NADK2: variants seen among roughly 807,000 people sequenced by gnomAD.
The protein encoded by NADK2 is NAD kinase domain-containing protein 1, mitochondrial.
Under a neutral mutation model 62.1 loss-of-function variants are expected in NADK2, and 35 were observed. The ratio of observed to expected loss-of-function variants is 0.56; its 90% CI spans 0.43 to 0.75. The LOEUF (loss-of-function observed/expected upper bound fraction) is 0.75. Among genes scored for constraint, NADK2 ranks in the 30% least tolerant of loss-of-function variants. The pLI is 0.00. For missense variants in NADK2, 439 were observed against 561.3 expected (o/e 0.78, Z 2.20); for synonymous variants, 205 against 207.9 (o/e 0.99, Z 0.12).
chr5:36,234,156 C>T (rs1393273879), intron 1 of NADK2, among the ~76,000 whole-genome samples: 2 of 151,708 alleles, frequency 1.3e-5, no homozygotes, highest in South Asian at 2.1e-4. Context: ...GGGCGGATCA[C>T]GAGGTCAGGA....
At chr5:36,199,067 G>A (rs1746342780) in intron 10 of NADK2, among the ~76,000 whole-genome samples, 1 of 151,720 alleles carries the variant, frequency 6.6e-6, no homozygotes, top group African/African-American at 2.4e-5. Context: ...AGGGGGTGGG[G>A]GGAGGAATAG....
At chr5:36,202,648 G>C (rs538283210) in intron 8 of NADK2, among the ~76,000 whole-genome samples, 16 of 152,172 alleles carry the variant, frequency 1.1e-4, no homozygotes, top group Non-Finnish European at 1.8e-4. Context: ...CTGAGTTGTA[G>C]CTAATGGAAT....
In NADK2 at chr5:36,241,705, C is replaced by G. The variant is rs928921435; in HGVS notation, c.94G>C (p.Ala32Pro). ...TCACCGCCCAGCCGGGGCCGCGCGG[C>G]GGGGCCTCCCGCACCCGGTCCCCGC... ...ALRGPGAGGPAARPRLGGDGG... is the reference protein window; with the variant it reads ...ALRGPGAGGPPARPRLGGDGG... The change falls in exon 1 of 12, where the codon GCC (alanine) becomes CCC (proline). Residue 32 changes from alanine (A) to proline (P), a missense_variant. Coordinates refer to ENST00000381937, the MANE Select transcript of NADK2 (RefSeq NM_001085411.3). This position sits in a 1 kb window ranked among gnomAD's most constrained non-coding sequence, Gnocchi z 4.9. 4.4e-6 allele frequency: 5 copies of G among 1,131,518 alleles called. No individual in the cohort carries two copies. The African/African-American group carries it at 8.3e-5, about 19-fold the overall frequency. The allele number at this position is 1,131,518 out of a possible 1,614,324, so 70.1% of individuals were successfully genotyped here.
At position 36,193,008 on chromosome 5, in the gene NADK2, A is replaced by G. The variant is rs954189685; in HGVS notation, c.*2136T>C. ...TACAAATAAACCCCCATCACAGAGC[A>G]GAAATGTTAGAAATTATATCACAAA... On this transcript the variant is annotated 3_prime_UTR_variant, in exon 12 of 12. Coordinates refer to ENST00000381937, the MANE Select transcript of NADK2 (RefSeq NM_001085411.3). 2.0e-5 allele frequency: 3 copies of G among 152,236 alleles called. No homozygotes were observed. The highest frequency in any genetic ancestry group is 7.2e-5 in the African/African-American group (3 of 41,466). The allele number at this position is 152,236 out of a possible 1,614,324, so 9.4% of individuals were successfully genotyped here.
intron 1 of NADK2, among the ~76,000 whole-genome samples, chr5:36,228,585 T>C (rs10079850): frequency 0.91 from 137,780 of 151,524 alleles, 63,642 homozygotes; most frequent in Non-Finnish European, 0.98. Context: ...CCTCTTTATG[T>C]AACAAAATCA....
intron 7 of NADK2, chr5:36,208,482 A>C: frequency 1.6e-6 from 1 of 610,774 alleles, no homozygotes; most frequent in Non-Finnish European, 2.9e-6. Flanking sequence ...GAGAAAGACA[A>C]GTACAGTCAG....
chr5:36,225,880 T>C (rs1277150642), intron 3 of NADK2, among the ~76,000 whole-genome samples: 1 of 152,204 alleles, frequency 6.6e-6, no homozygotes, highest in Non-Finnish European at 1.5e-5. Context: ...TTAGAGGTAG[T>C]CCCTTTACAT....
At chr5:36,196,052 A>G (rs760420895) in intron 11 of NADK2, among the ~76,000 whole-genome samples, 1 of 152,166 alleles carries the variant, frequency 6.6e-6, no homozygotes, top group Non-Finnish European at 1.5e-5. Flanking sequence ...TCTCTCTTCT[A>G]CTATTCATGG....
Position 36,211,922 on chromosome 5 carries a change from C to T in NADK2, c.782G>A (p.Arg261Lys). 1 of 1,609,184 alleles carries T rather than the reference C, an allele frequency of 6.2e-7. No individual in the cohort carries two copies. The highest frequency in any genetic ancestry group is 1.3e-5 in the African/African-American group (1 of 74,810). ...AAGTTGGGGTCCTGAAGCCTCAGAC[C>T]CTGCATGTAATTTAAGACAAAGAAA... is the stretch of plus-strand genomic sequence containing the variant. ...ALNIERAHDE[R>K]SEASGPQLLP... Residue 261 changes from arginine to lysine, a missense_variant and splice_region_variant, in exon 7 of 12, where the codon AGG becomes AAG. Arg to Lys is a conservative substitution (Grantham distance 26, BLOSUM62 2). Coordinates refer to ENST00000381937, the MANE Select transcript of NADK2 (RefSeq NM_001085411.3).
At chr5:36,226,116 A>G (rs1423291595) in intron 3 of NADK2, among the ~76,000 whole-genome samples, 1 of 152,246 alleles carries the variant, frequency 6.6e-6, no homozygotes, top group African/African-American at 2.4e-5. Flanking sequence ...AAAAGTAAGT[A>G]CAAGTATATT....
chr5:36,229,344 T>C (rs983494361), intron 1 of NADK2, among the ~76,000 whole-genome samples: 2 of 152,190 alleles, frequency 1.3e-5, no homozygotes, highest in Non-Finnish European at 2.9e-5. Flanking sequence ...AAAAGCCTCA[T>C]TAAACTTAGA....
chr5:36,194,130 A>C lies in NADK2; in HGVS notation c.*1014T>G, dbSNP rs991171023. The C allele has an allele frequency of 2.0e-4, 30 of 152,284 alleles. No homozygotes were observed. The highest frequency in any genetic ancestry group is 6.8e-3 in the Middle Eastern group (2 of 294). 9.4% of individuals were successfully genotyped at this position (152,284 alleles called of 1,614,324 possible). On this transcript the variant is annotated 3_prime_UTR_variant, in exon 12 of 12. Transcript: ENST00000381937. ...AATAAAGGAATTCTCATGGGGAAAA[A>C]AAAAAAGTCCTAACATCTTATCCTA...
chr5:36,207,402 G>A, intron 7 of NADK2, 137 bp from the exon 8 acceptor site: 1 of 592,298 alleles, frequency 1.7e-6, no homozygotes, highest in Non-Finnish European at 3.0e-6. Context: ...CACACATCAT[G>A]ATGCTAATTC....
Position 36,219,683 on chromosome 5 carries a change from T to C in NADK2, c.561-4A>G, listed in dbSNP as rs1316741862. 6.2e-7 allele frequency: 1 copy of C among 1,610,476 alleles called. No homozygotes were observed. The highest frequency in any genetic ancestry group is 8.5e-7 in the Non-Finnish European group (1 of 1,178,568). On this transcript the variant is annotated splice_region_variant and splice_polypyrimidine_tract_variant and intron_variant, in intron 4 of 11. Coordinates refer to ENST00000381937, the MANE Select transcript of NADK2 (RefSeq NM_001085411.3). ...CAGGCATAAATGACCCTCAGACCTATATTTTAACAGGAATTTTTTGGTGAT... is the reference window on the plus strand; with the variant it reads ...CAGGCATAAATGACCCTCAGACCTACATTTTAACAGGAATTTTTTGGTGAT...
chr5:36,215,679 T>G (rs1391801799), intron 6 of NADK2, among the ~76,000 whole-genome samples: 2 of 152,214 alleles, frequency 1.3e-5, no homozygotes, highest in African/African-American at 4.8e-5. Flanking sequence ...CTCTCACATA[T>G]GAATGAAAGC....
chr5:36,215,708 T>C (rs1278768074), intron 6 of NADK2, among the ~76,000 whole-genome samples: 1 of 152,228 alleles, frequency 6.6e-6, no homozygotes, highest in African/African-American at 2.4e-5. Context: ...TTTGTCTTTC[T>C]ATGCTTGACT....
At chr5:36,201,255 A>G in intron 8 of NADK2, 94 bp from the exon 9 acceptor site, 1 of 1,095,806 alleles carries the variant, frequency 9.1e-7, no homozygotes, top group Non-Finnish European at 1.3e-6. Flanking sequence ...GAAAATTCTT[A>G]GAAATTAGGA....
At chr5:36,224,540 G>A (rs1747404351) in intron 4 of NADK2, among the ~76,000 whole-genome samples, 3 of 144,144 alleles carry the variant, frequency 2.1e-5, no homozygotes, top group South Asian at 4.3e-4. Flanking sequence ...CTGGGCAACA[G>A]AGCAAGACTC....
intron 7 of NADK2, among the ~76,000 whole-genome samples, chr5:36,209,768 G>A (rs983175891): frequency 1.3e-5 from 2 of 151,932 alleles, no homozygotes; most frequent in African/African-American, 4.8e-5. Context: ...TTTAAATTAT[G>A]TATTACTCTC....
Sources: gnomAD v4.1 joint callset for allele counts (sites outside exome capture counted in the v4.1 genomes callset) on GRCh38, gnomAD v4.1.1 for gene constraint, Gnocchi (gnomAD v3.1) non-coding constraint, MANE v1.5 for transcripts, NCBI Gene and HGNC (gene_info 2026-07-23, HGNC 2026-07-21) for gene names.